TSHZ2: variants seen among roughly 807,000 people sequenced by gnomAD.
TSHZ2 encodes the protein teashirt homolog 2.
In TSHZ2, 21 loss-of-function variants were observed where a neutral mutation model predicts 74.4. That is an observed-to-expected ratio of 0.28 (90% CI 0.20 to 0.41). The LOEUF (loss-of-function observed/expected upper bound fraction) is 0.41, where lower values mean the gene tolerates loss of function less well. Ranked by LOEUF, TSHZ2 falls within the 10% of genes least tolerant of loss-of-function variation. The pLI is 1.00. For missense variants in TSHZ2, 1,244 were observed against 1,293.5 expected (o/e 0.96, Z 0.59); for synonymous variants, 540 against 515.3 (o/e 1.05, Z -0.65).
chr20:53,111,778 C>A (rs997524936), intron 1 of TSHZ2, among the ~76,000 whole-genome samples: 1 of 152,182 alleles, frequency 6.6e-6, no homozygotes, highest in Non-Finnish European at 1.5e-5. Flanking sequence ...CCAGATCGAG[C>A]CAGGAAAGTC....
At chr20:53,463,376 GAGAGAGGAAGGAAGGA>G (rs1209426430) in intron 2 of TSHZ2, among the ~76,000 whole-genome samples, 4 of 106,534 alleles carry the variant, frequency 3.8e-5, no homozygotes, top group Non-Finnish European at 7.6e-5. Flanking sequence ...AAGACAGAGA[GAGAGAGGAAGGAAGGA>G]AGGAAGGAAG....
intron 2 of TSHZ2, among the ~76,000 whole-genome samples, chr20:53,296,378 A>G (rs368802685): frequency 2.6e-5 from 4 of 152,210 alleles, no homozygotes; most frequent in Admixed American, 2.6e-4. Context: ...AATCTATCCT[A>G]TTGCATGATC....
intron 1 of TSHZ2, among the ~76,000 whole-genome samples, chr20:53,105,741 G>A (rs1986343953): frequency 6.6e-6 from 1 of 152,114 alleles, no homozygotes; most frequent in East Asian, 1.9e-4. Flanking sequence ...CAACCTCCTG[G>A]GCTCAAGCCA....
intron 1 of TSHZ2, among the ~76,000 whole-genome samples, chr20:53,115,462 C>A (rs1375345780): frequency 1.3e-5 from 2 of 152,176 alleles, no homozygotes; most frequent in African/African-American, 4.8e-5. Context: ...GTAAGACATG[C>A]CTTTGCTTCT....
intron 1 of TSHZ2, among the ~76,000 whole-genome samples, chr20:53,206,043 A>AC (rs1362534408): frequency 6.6e-6 from 1 of 151,972 alleles, no homozygotes; most frequent in African/African-American, 2.4e-5. Flanking sequence ...AAGTGGTGAA[A>AC]CCCCGTCTCT....
intron 1 of TSHZ2, among the ~76,000 whole-genome samples, chr20:53,120,240 G>T (rs535600418): frequency 1.3e-5 from 2 of 152,132 alleles, no homozygotes; most frequent in Non-Finnish European, 2.9e-5. Flanking sequence ...TTTGAAGTGC[G>T]TCTCTTTTCA....
At chr20:53,232,652 C>T (rs1989852772) in intron 1 of TSHZ2, among the ~76,000 whole-genome samples, 1 of 152,116 alleles carries the variant, frequency 6.6e-6, no homozygotes, top group African/African-American at 2.4e-5. Context: ...ATGGCTGGAG[C>T]CCAGGAGTTA....
intron 1 of TSHZ2, among the ~76,000 whole-genome samples, chr20:53,200,648 T>TTTTG (rs149843994): frequency 0.049 from 7,415 of 151,872 alleles, 431 homozygotes; most frequent in East Asian, 0.3. Context: ...TTTGGGGGAT[T>TTTTG]TTTGTTTGTT....
chr20:53,252,908 C>T (rs1275254154), intron 1 of TSHZ2, among the ~76,000 whole-genome samples: 1 of 152,210 alleles, frequency 6.6e-6, no homozygotes, highest in Non-Finnish European at 1.5e-5. Flanking sequence ...ACCCCATCAT[C>T]TCTCTTCCTG....
rs563640864 is a variant in TSHZ2 at position 53,246,652 on chromosome 20, C to T, written c.41-6847C>T. On this transcript the variant is annotated intron_variant, in intron 1 of 2. Coordinates refer to ENST00000371497, the MANE Select transcript of TSHZ2 (RefSeq NM_173485.6). ...AGTGAAACTCCACTAAAGTGTCTTGCATGTGGTAACTGCAGAATAAATATT... is the reference window on the plus strand; with the variant it reads ...AGTGAAACTCCACTAAAGTGTCTTGTATGTGGTAACTGCAGAATAAATATT... Among the ~76,000 whole-genome samples the T allele has an allele frequency of 2.2e-4, 33 of 152,302 alleles. 1 individual carries two copies. The South Asian group carries it at 6.4e-3, about 30-fold the overall frequency.
rs554012365 is a variant in TSHZ2, at chr20:53,151,050, T to C, written c.41-102449T>C. Among the ~76,000 whole-genome samples the C allele has an allele frequency of 1.2e-4, 18 of 152,332 alleles. No individual in the cohort carries two copies. In the South Asian group the frequency reaches 2.1e-3, roughly 18 times the overall value. ...GTTACCTTTCCCATTCTCAACACAT[T>C]GTTAGAGCATCAATGTATTTAAGGC... On this transcript the variant is annotated intron_variant, in intron 1 of 2. Coordinates refer to ENST00000371497, the MANE Select transcript of TSHZ2 (RefSeq NM_173485.6).
intron 2 of TSHZ2, among the ~76,000 whole-genome samples, chr20:53,446,657 C>G (rs1984563266): frequency 6.6e-6 from 1 of 151,716 alleles, no homozygotes; most frequent in Non-Finnish European, 1.5e-5. Flanking sequence ...TTTTTTACAC[C>G]TCCTTTTCCT....
chr20:53,279,347 T>A (rs1600785855), intron 2 of TSHZ2, among the ~76,000 whole-genome samples: 1 of 152,262 alleles, frequency 6.6e-6, no homozygotes, highest in African/African-American at 2.4e-5. Context: ...AATACAACTT[T>A]ATCAAAGGAC....
At chr20:52,974,375 C>A (rs562318076) in intron 1 of TSHZ2, among the ~76,000 whole-genome samples, 1 of 152,148 alleles carries the variant, frequency 6.6e-6, no homozygotes, top group Non-Finnish European at 1.5e-5. Flanking sequence ...GTGCCAGTGA[C>A]GCAAACCTTG....
intron 2 of TSHZ2, among the ~76,000 whole-genome samples, chr20:53,347,012 C>T (rs892354134): frequency 5.9e-5 from 9 of 152,146 alleles, no homozygotes; most frequent in Non-Finnish European, 1.2e-4. Flanking sequence ...ACTCCCTCAT[C>T]CTGAAGATAC....
At chr20:52,994,888 A>G (rs796513807) in intron 1 of TSHZ2, among the ~76,000 whole-genome samples, 5 of 152,322 alleles carry the variant, frequency 3.3e-5, no homozygotes, top group African/African-American at 1.2e-4. Flanking sequence ...GCTCTGTCCC[A>G]TGTACATTAC....
chr20:52,989,314 AT>A (rs1304760303), intron 1 of TSHZ2, among the ~76,000 whole-genome samples: 1 of 152,086 alleles, frequency 6.6e-6, no homozygotes. Context: ...TTGCCATCTG[AT>A]TTGAGGTTAA....
At chr20:53,289,459 G>A (rs1346724964) in intron 2 of TSHZ2, among the ~76,000 whole-genome samples, 1 of 152,062 alleles carries the variant, frequency 6.6e-6, no homozygotes, top group East Asian at 1.9e-4. Flanking sequence ...CCTTTCTACC[G>A]CATCCACACC....
At chr20:53,393,812 G>C (rs1982347716) in intron 2 of TSHZ2, among the ~76,000 whole-genome samples, 1 of 152,120 alleles carries the variant, frequency 6.6e-6, no homozygotes, top group Admixed American at 6.5e-5. Context: ...AAACTGGGAG[G>C]TTACATAGGA....
Sources: allele counts gnomAD v4.1 joint callset (sites outside exome capture counted in the v4.1 genomes callset), GRCh38; gene constraint gnomAD v4.1.1; transcripts MANE v1.5; gene names NCBI Gene and HGNC (gene_info 2026-07-23, HGNC 2026-07-21).